The following VKORC1L1 variants were observed in gnomAD, a reference collection of about 807,000 sequenced individuals.
The protein encoded by VKORC1L1 is vitamin K epoxide reductase complex subunit 1-like protein 1.
A neutral mutation model predicts 18.9 loss-of-function variants in VKORC1L1; 2 were observed. The observed-to-expected ratio is 0.11, with a 90% CI of 0.04 to 0.33. The LOEUF (loss-of-function observed/expected upper bound fraction) is 0.33, where lower values mean the gene tolerates loss of function less well. Among genes scored for constraint, VKORC1L1 ranks in the 10% least tolerant of loss-of-function variants. The pLI is 1.00. For missense variants in VKORC1L1, 123 were observed against 224.1 expected (o/e 0.55, Z 2.88); for synonymous variants, 96 against 100.0 (o/e 0.96, Z 0.24).
At chr7:65,899,941 A>G (rs558725748) in intron 1 of VKORC1L1, among the ~76,000 whole-genome samples, 36 of 150,542 alleles carry the variant, frequency 2.4e-4, no homozygotes, top group African/African-American at 8.3e-4. Flanking sequence ...CAGAGGTTGC[A>G]GTGACCCAAG....
chr7:65,909,304 A>G (rs1156925885), intron 1 of VKORC1L1, among the ~76,000 whole-genome samples: 2 of 151,712 alleles, frequency 1.3e-5, no homozygotes, highest in African/African-American at 4.8e-5. Context: ...TCAAGTGACA[A>G]TATAAAGCTA....
At chr7:65,925,125 G>T (rs2115638092) in intron 1 of VKORC1L1, among the ~76,000 whole-genome samples, 1 of 152,248 alleles carries the variant, frequency 6.6e-6, no homozygotes, top group East Asian at 1.9e-4. Context: ...GAAACCTTCA[G>T]GTTTTTATTT....
At chr7:65,952,297 A>G (rs1359213495) in intron 2 of VKORC1L1, among the ~76,000 whole-genome samples, 21 of 152,168 alleles carry the variant, frequency 1.4e-4, no homozygotes, top group African/African-American at 1.2e-4. Flanking sequence ...CAGCCACTCA[A>G]CTCTTCTAGT....
At chr7:65,884,946 A>G (rs893233776) in intron 1 of VKORC1L1, among the ~76,000 whole-genome samples, 1 of 152,188 alleles carries the variant, frequency 6.6e-6, no homozygotes, top group Non-Finnish European at 1.5e-5. Context: ...AGAATTTTTC[A>G]CATTGATTTA....
intron 1 of VKORC1L1, among the ~76,000 whole-genome samples, chr7:65,944,059 A>G (rs1790079045): frequency 6.6e-6 from 1 of 152,150 alleles, no homozygotes; most frequent in Non-Finnish European, 1.5e-5. Flanking sequence ...TGGGCGGATC[A>G]CTTGAGGTCT....
At chr7:65,866,630 C>T in the VKORC1L1 span, among the ~76,000 whole-genome samples, 1 of 152,156 alleles carries the variant, frequency 6.6e-6, no homozygotes, top group Non-Finnish European at 1.5e-5. Flanking sequence ...AAAAATTAGT[C>T]TGGGCTCAGT....
chr7:65,881,447 C>T (rs1170530648), intron 1 of VKORC1L1, among the ~76,000 whole-genome samples: 2 of 151,990 alleles, frequency 1.3e-5, no homozygotes, highest in African/African-American at 2.4e-5. Flanking sequence ...AAATAACAAA[C>T]CTGCAGAGAT....
At chr7:65,874,632 C>A (rs1458468030) in intron 1 of VKORC1L1, among the ~76,000 whole-genome samples, 1 of 151,854 alleles carries the variant, frequency 6.6e-6, no homozygotes, top group Non-Finnish European at 1.5e-5. Flanking sequence ...ATGGTGAAAC[C>A]CCGTCTCTAC....
In VKORC1L1 at chr7:65,905,942, A is replaced by C. The variant is rs138550712; in HGVS notation, c.194+32377A>C. On this transcript the variant is annotated intron_variant, in intron 1 of 2. Coordinates refer to ENST00000360768, the MANE Select transcript of VKORC1L1 (RefSeq NM_173517.6). Reference sequence around the variant, plus strand: ...AATCTCTTTGCCTTAAATTTGGCTAAAACATAAAACGTATACATTTATTTT... The same window carrying C: ...AATCTCTTTGCCTTAAATTTGGCTACAACATAAAACGTATACATTTATTTT... Among the ~76,000 whole-genome samples the C allele has an allele frequency of 2.6e-5, 4 of 152,270 alleles. No homozygotes were observed. The East Asian group carries it at 5.8e-4, about 22-fold the overall frequency.
chr7:65,897,263 G>A (rs1789229801), intron 1 of VKORC1L1, among the ~76,000 whole-genome samples: 1 of 152,198 alleles, frequency 6.6e-6, no homozygotes, highest in Admixed American at 6.5e-5. Flanking sequence ...GTCAGTGTAA[G>A]AGTTAAGCAA....
At chr7:65,946,913 T>C (rs1790127716) in intron 1 of VKORC1L1, among the ~76,000 whole-genome samples, 1 of 152,074 alleles carries the variant, frequency 6.6e-6, no homozygotes, top group Admixed American at 6.6e-5. Flanking sequence ...GGTGGGAGGA[T>C]TGCTTGAGTC....
In VKORC1L1 at chr7:65,873,563, C is replaced by T; in HGVS notation, c.192C>T (p.Ser64=). The T allele has an allele frequency of 6.5e-7, 1 of 1,545,704 alleles. No individual in the cohort carries two copies. The highest frequency in any genetic ancestry group is 8.7e-7 in the Non-Finnish European group (1 of 1,149,654). ...TGAAGTGCTCCGCCGCCCTTGCCTC[C>T]AGGTAGCCGGCTTGGGGGAGTGGGC... ...PWVKCSAALA[S]RWGRGFGLLG... Residue 64 remains serine (S), a splice_region_variant and synonymous_variant, in exon 1 of 3, where the codon TCC becomes TCT. Transcript: ENST00000360768.
intron 1 of VKORC1L1, among the ~76,000 whole-genome samples, chr7:65,890,611 A>G (rs1233241513): frequency 1.3e-5 from 2 of 152,326 alleles, no homozygotes; most frequent in African/African-American, 2.4e-5. Context: ...GTTTGCAGCA[A>G]TTATGAATAC....
At position 65,898,077 on chromosome 7, in the gene VKORC1L1, G is replaced by GTTT. The variant is rs71051319; in HGVS notation, c.194+24539_194+24541dup. ...CAGTCATACAGTAAATTTGTAGCAG[G>GTTT]TTTTTTTTTTTTTTTTTTTTTTTTT... On this transcript the variant is annotated intron_variant, in intron 1 of 2. Transcript: ENST00000360768. 7.3e-3 allele frequency among the ~76,000 whole-genome samples: 603 copies of GTTT among 82,978 alleles called. 101 individuals carry two copies. The highest frequency in any genetic ancestry group is 0.019 in the East Asian group (46 of 2,450). The allele number at this position is 82,978 out of a possible 152,430, so 54.4% of individuals were successfully genotyped here.
At chr7:65,928,624 T>A (rs1789806402) in intron 1 of VKORC1L1, among the ~76,000 whole-genome samples, 1 of 152,232 alleles carries the variant, frequency 6.6e-6, no homozygotes, top group African/African-American at 2.4e-5. Flanking sequence ...TGTACCAGTG[T>A]ATTCATCCAT....
At chr7:65,918,387 A>G (rs1789622442) in intron 1 of VKORC1L1, among the ~76,000 whole-genome samples, 1 of 152,264 alleles carries the variant, frequency 6.6e-6, no homozygotes, top group Non-Finnish European at 1.5e-5. Context: ...AATTAAGCAA[A>G]GGCATTCGTA....
chr7:65,876,628 C>A (rs1167380418), intron 1 of VKORC1L1, among the ~76,000 whole-genome samples: 1 of 152,208 alleles, frequency 6.6e-6, no homozygotes, highest in Non-Finnish European at 1.5e-5. Context: ...GTCCCTGCCC[C>A]CTTGGTTTGG....
chr7:65,958,802 T>C lies in VKORC1L1; in HGVS notation c.*4502T>C, dbSNP rs1790344003. The C allele has an allele frequency of 6.6e-6, 1 of 152,182 alleles. No homozygotes were observed. The highest frequency in any genetic ancestry group is 2.4e-5 in the African/African-American group (1 of 41,580). 9.4% of individuals were successfully genotyped at this position (152,182 alleles called of 1,614,324 possible). A position where few individuals can be genotyped will look rare whatever the true frequency, so the allele number is the denominator to read the frequency against. Reference sequence around the variant, plus strand: ...TTGTCAAGAATTAATGACAAAAATGTGTCACTGCCTACAGTTCTGTGAACA... The same window carrying C: ...TTGTCAAGAATTAATGACAAAAATGCGTCACTGCCTACAGTTCTGTGAACA... On this transcript the variant is annotated 3_prime_UTR_variant, in exon 3 of 3. Transcript: ENST00000360768.
At chr7:65,875,030 CTGAAAG>C (rs887096708) in intron 1 of VKORC1L1, among the ~76,000 whole-genome samples, 2 of 152,070 alleles carry the variant, frequency 1.3e-5, no homozygotes, top group African/African-American at 4.8e-5. Flanking sequence ...TATGTTGTGA[CTGAAAG>C]TGATGTTTCA....
Sources: allele counts gnomAD v4.1 joint callset (sites outside exome capture counted in the v4.1 genomes callset), GRCh38; gene constraint gnomAD v4.1.1; transcripts MANE v1.5; gene names NCBI Gene and HGNC (gene_info 2026-07-23, HGNC 2026-07-21).